BTG4: variants seen among roughly 807,000 people sequenced by gnomAD.
The protein encoded by BTG4 is BTG anti-proliferation factor 4.
BTG4 carries 10 observed loss-of-function variants against 19.3 expected under a neutral mutation model. That is an observed-to-expected ratio of 0.52 (90% CI 0.32 to 0.88). The LOEUF is 0.88. Among genes scored for constraint, BTG4 ranks in the 40% least tolerant of loss-of-function variants. BTG4 has a pLI of 0.04. For synonymous variants in BTG4, 91 were observed against 95.7 expected (o/e 0.95, Z 0.29); for missense variants, 238 against 281.9 (o/e 0.84, Z 1.11).
At chr11:111,392,644 C>A in the BTG4 span, among the ~76,000 whole-genome samples, 1 of 152,174 alleles carries the variant, frequency 6.6e-6, no homozygotes, top group Non-Finnish European at 1.5e-5. Context: ...TTATCTAGTT[C>A]TCTTCTATAA....
chr11:111,401,743 C>T, the BTG4 span, among the ~76,000 whole-genome samples: 1 of 152,118 alleles, frequency 6.6e-6, no homozygotes, highest in African/African-American at 2.4e-5. Context: ...ATATCATGGC[C>T]TCACTGTCTT....
rs747532157 is a variant in BTG4 at position 111,495,282 on chromosome 11, C to A, written c.543G>T (p.Trp181Cys). The change falls in exon 5 of 5, where the codon TGG (tryptophan) becomes TGT (cysteine). Residue 181 changes from tryptophan to cysteine, a missense_variant. Trp to Cys is a radical substitution (Grantham distance 215, BLOSUM62 -2). Coordinates refer to ENST00000692032, the MANE Select transcript of BTG4 (RefSeq NM_001367975.1). ...CATTCTTTTTGCGGGGGATTTGTAACCAAGATTGAAAGGGCTGTTTCAAGT... is the reference window on the plus strand; with the variant it reads ...CATTCTTTTTGCGGGGGATTTGTAAACAAGATTGAAAGGGCTGTTTCAAGT... The part of the protein sequence containing the change: ...VENLKQPFQS[W>C]LQIPRKKNVV... 2.2e-5 allele frequency: 36 copies of A among 1,610,132 alleles called. No homozygotes were observed. Among genetic ancestry groups the A allele is most frequent in the Non-Finnish European group, 3.0e-5 (35 of 1,178,834 alleles).
At chr11:111,473,986 A>G (rs1359938313) in intron 5 of BTG4, among the ~76,000 whole-genome samples, 1 of 152,200 alleles carries the variant, frequency 6.6e-6, no homozygotes, top group Non-Finnish European at 1.5e-5. Flanking sequence ...GTTCCAAATC[A>G]TCACTAATAT....
At chr11:111,471,440 C>T (rs1370770207) in intron 5 of BTG4, among the ~76,000 whole-genome samples, 2 of 152,182 alleles carry the variant, frequency 1.3e-5, no homozygotes, top group African/African-American at 2.4e-5. Flanking sequence ...TGTGCTCATC[C>T]ATCAGCAGCA....
intron 2 of BTG4, 45 bp downstream of exon 2, chr11:111,498,559 G>T (rs1340125365): frequency 8.5e-6 from 13 of 1,529,068 alleles, no homozygotes; most frequent in Non-Finnish European, 1.1e-5. Flanking sequence ...CTGGCTGGTT[G>T]CTTGGTGATT....
chr11:111,424,933 T>C, the BTG4 span, among the ~76,000 whole-genome samples: 3 of 152,028 alleles, frequency 2.0e-5, no homozygotes, highest in Non-Finnish European at 4.4e-5. Flanking sequence ...CTTTAAAAGA[T>C]TAATAAAAAC....
At chr11:111,495,471 C>A (rs969381137) in intron 4 of BTG4, among the ~76,000 whole-genome samples, 157 bp from the exon 5 acceptor site, 1 of 152,106 alleles carries the variant, frequency 6.6e-6, no homozygotes, top group Admixed American at 6.6e-5. Context: ...TAGCACTTGG[C>A]GGGAACATAA....
chr11:111,424,767 G>A, the BTG4 span, among the ~76,000 whole-genome samples: 1 of 152,172 alleles, frequency 6.6e-6, no homozygotes, highest in African/African-American at 2.4e-5. Context: ...AGACCAGCCT[G>A]ACCAATATGG....
intron 1 of BTG4, chr11:111,507,735 C>G (rs576669440): frequency 6.6e-6 from 1 of 152,276 alleles, no homozygotes; most frequent in South Asian, 2.1e-4. Flanking sequence ...TCCTGTCAGC[C>G]CCTAAAGAGG....
In BTG4 at chr11:111,498,124, A is replaced by G; in HGVS notation, c.185T>C (p.Ile62Thr). Reference protein sequence around the residue: ...SKGQAFRCIRINNNQNKDPIL... With the variant: ...SKGQAFRCIRTNNNQNKDPIL... ...GGGATCTTTATTCTGATTGTTGTTT[A>G]TCCTGATGCACCTTTTTAAAAAGCG... Residue 62 changes from isoleucine (I) to threonine (T), a missense_variant, in exon 3 of 5, where the codon ATA becomes ACA. Ile to Thr is a moderately conservative substitution (Grantham distance 89, BLOSUM62 -1). Coordinates refer to ENST00000692032, the MANE Select transcript of BTG4 (RefSeq NM_001367975.1). 6.2e-7 allele frequency: 1 copy of G among 1,613,986 alleles called. No homozygotes were observed. Among genetic ancestry groups the G allele is most frequent in the Non-Finnish European group, 8.5e-7 (1 of 1,179,956 alleles).
the BTG4 span, among the ~76,000 whole-genome samples, chr11:111,421,694 C>G: frequency 2.1e-3 from 317 of 152,278 alleles, 3 homozygotes; most frequent in African/African-American, 7.4e-3. Context: ...GCAGGTAGAT[C>G]ACAAGGTCAG....
At chr11:111,398,516 C>T in the BTG4 span, among the ~76,000 whole-genome samples, 1 of 151,996 alleles carries the variant, frequency 6.6e-6, no homozygotes, top group African/African-American at 2.4e-5. Flanking sequence ...TGCAGTGGCT[C>T]AATCTCGGCT....
chr11:111,418,799 G>A, the BTG4 span, among the ~76,000 whole-genome samples: 1 of 152,172 alleles, frequency 6.6e-6, no homozygotes, highest in Non-Finnish European at 1.5e-5. Context: ...CCGTTCTCTT[G>A]GCCCTTCTGC....
At chr11:111,508,992 T>TTA (rs1243976811) in intron 1 of BTG4, among the ~76,000 whole-genome samples, 1 of 152,056 alleles carries the variant, frequency 6.6e-6, no homozygotes, top group African/African-American at 2.4e-5. Flanking sequence ...TCCGGCAACT[T>TTA]TAATTATAGA....
At chr11:111,485,657 A>T (rs904028990) in intron 5 of BTG4, among the ~76,000 whole-genome samples, 1 of 152,206 alleles carries the variant, frequency 6.6e-6, no homozygotes, top group East Asian at 1.9e-4. Flanking sequence ...GAAAAACTTC[A>T]AATAAACAAT....
the BTG4 span, among the ~76,000 whole-genome samples, chr11:111,412,338 C>T: frequency 0.04 from 6,079 of 152,232 alleles, 135 homozygotes; most frequent in Middle Eastern, 0.14. Context: ...ATACAAGAAA[C>T]GAGTTTCTTA....
the BTG4 span, chr11:111,416,691 G>C: frequency 3.9e-5 from 6 of 152,136 alleles, no homozygotes; most frequent in East Asian, 3.9e-4. Context: ...TTTGTATTCT[G>C]GCTCCACCGC....
chr11:111,437,870 A>G, the BTG4 span, among the ~76,000 whole-genome samples: 2 of 152,020 alleles, frequency 1.3e-5, no homozygotes, highest in African/African-American at 4.8e-5. Context: ...ATCTTTAATG[A>G]TCTCTATCCT....
chr11:111,415,006 AAGAC>A, the BTG4 span: 1 of 152,206 alleles, frequency 6.6e-6, no homozygotes, highest in African/African-American at 2.4e-5. Context: ...AGGAGAATAA[AAGAC>A]AGAAACAGTT....
Sources: gnomAD v4.1 joint callset for allele counts (sites outside exome capture counted in the v4.1 genomes callset) on GRCh38, gnomAD v4.1.1 for gene constraint, MANE v1.5 for transcripts, NCBI Gene and HGNC (gene_info 2026-07-23, HGNC 2026-07-21) for gene names.